ANKUB1: variants seen among roughly 807,000 people sequenced by gnomAD.
ANKUB1 encodes the protein protein ANKUB1.
In ANKUB1, 42 loss-of-function variants were observed where a neutral mutation model predicts 49.3. That is an observed-to-expected ratio of 0.85 (90% CI 0.67 to 1.10). The LOEUF (loss-of-function observed/expected upper bound fraction) is 1.10. Ranked by LOEUF, ANKUB1 falls within the 50% of genes least tolerant of loss-of-function variation. The pLI, the probability that ANKUB1 is intolerant of heterozygous loss-of-function variation, is 0.00. For synonymous variants in ANKUB1, 222 were observed against 231.0 expected, an observed-to-expected ratio of 0.96 and a Z score of 0.35; for missense variants, 613 against 642.0, an observed-to-expected ratio of 0.95 and a Z score of 0.49.
intron 3 of ANKUB1, among the ~76,000 whole-genome samples, chr3:149,776,793 T>C (rs1402312374): frequency 7.5e-6 from 1 of 134,084 alleles, no homozygotes; most frequent in Non-Finnish European, 1.6e-5. Context: ...AAACCCTGTC[T>C]CTATAAAAAA....
At chr3:149,768,878 T>C (rs1352171179) in intron 4 of ANKUB1, among the ~76,000 whole-genome samples, 1 of 152,158 alleles carries the variant, frequency 6.6e-6, no homozygotes, top group Non-Finnish European at 1.5e-5. Context: ...AGTTTCCTCA[T>C]GTGTAAAATA....
At chr3:149,780,023 C>A in intron 3 of ANKUB1, 1 of 556,618 alleles carries the variant, frequency 1.8e-6, no homozygotes, top group Non-Finnish European at 3.2e-6. Flanking sequence ...CTTGTAAGGC[C>A]AGGAGAGGGA....
intron 3 of ANKUB1, chr3:149,779,487 T>A (rs1238733227): frequency 6.6e-6 from 1 of 152,172 alleles, no homozygotes; most frequent in Non-Finnish European, 1.5e-5. Flanking sequence ...CAAGGTATAG[T>A]ATTTAGAGAG....
At chr3:149,774,285 C>CATTT (rs1717494688) in intron 3 of ANKUB1, among the ~76,000 whole-genome samples, 1 of 152,066 alleles carries the variant, frequency 6.6e-6, no homozygotes, top group Non-Finnish European at 1.5e-5. Context: ...TTTTGTCATT[C>CATTT]ATTCATTCAT....
intron 2 of ANKUB1, among the ~76,000 whole-genome samples, chr3:149,788,176 G>A (rs1401428744): frequency 6.6e-6 from 1 of 152,164 alleles, no homozygotes; most frequent in African/African-American, 2.4e-5. Flanking sequence ...ACATGACTTG[G>A]AAATCAGCCT....
intron 3 of ANKUB1, chr3:149,778,638 TC>T (rs1485505542): frequency 1.3e-5 from 2 of 152,166 alleles, no homozygotes; most frequent in Non-Finnish European, 2.9e-5. Flanking sequence ...GGGTTCAGCC[TC>T]CAGCAAGCGT....
chr3:149,790,707 T>G, intron 2 of ANKUB1, 74 bp downstream of exon 2: 1 of 1,392,596 alleles, frequency 7.2e-7, no homozygotes, highest in Non-Finnish European at 9.6e-7. Context: ...ATGGAATTAC[T>G]TTGGTTGACT....
intron 2 of ANKUB1, among the ~76,000 whole-genome samples, chr3:149,782,733 C>T (rs1039197847): frequency 6.6e-6 from 1 of 151,764 alleles, no homozygotes; most frequent in Non-Finnish European, 1.5e-5. Flanking sequence ...AGAGACAGGG[C>T]CTAGCTATGT....
intron 5 of ANKUB1, 27 bp downstream of exon 5, chr3:149,767,129 GT>G: frequency 6.8e-7 from 1 of 1,475,328 alleles, no homozygotes; most frequent in Non-Finnish European, 9.0e-7. Flanking sequence ...AAGCTTTGCT[GT>G]TTGTATGTTT....
At chr3:149,782,174 TAAC>T (rs535461588) in intron 2 of ANKUB1, among the ~76,000 whole-genome samples, 3 of 152,056 alleles carry the variant, frequency 2.0e-5, no homozygotes, top group South Asian at 2.1e-4. Flanking sequence ...TAAATGCAAA[TAAC>T]AAATTAAATG....
chr3:149,790,985 T>G, intron 1 of ANKUB1, 61 bp from the exon 2 acceptor site: 1 of 1,471,840 alleles, frequency 6.8e-7, no homozygotes, highest in Admixed American at 2.3e-5. Flanking sequence ...ACCAGAAATG[T>G]ACTCTCTTTC....
At chr3:149,777,773 G>C (rs1229782669) in intron 3 of ANKUB1, among the ~76,000 whole-genome samples, 1 of 152,172 alleles carries the variant, frequency 6.6e-6, no homozygotes, top group Non-Finnish European at 1.5e-5. Context: ...CATGCCTTCA[G>C]CCTGCATTGA....
At chr3:149,766,817 A>AAGCAGCAGCAGCAGC (rs11268295) in intron 5 of ANKUB1, 17,921 of 900,538 alleles carry the variant, frequency 0.02, 1,259 homozygotes, top group Non-Finnish European at 0.018. Context: ...GAAAAAAGAA[A>AAGCAGCAGCAGCAGC]AGCAGCAGCA....
At chr3:149,788,919 G>A (rs1718233115) in intron 2 of ANKUB1, among the ~76,000 whole-genome samples, 1 of 151,712 alleles carries the variant, frequency 6.6e-6, no homozygotes, top group Admixed American at 6.6e-5. Context: ...GGGATTACAG[G>A]TGTGCCCACC....
intron 3 of ANKUB1, among the ~76,000 whole-genome samples, chr3:149,773,325 C>G (rs934544113): frequency 5.3e-5 from 8 of 152,150 alleles, no homozygotes; most frequent in Non-Finnish European, 8.8e-5. Flanking sequence ...CTTGGACTTG[C>G]TATTCTTTGT....
In ANKUB1 at chr3:149,767,845, C is replaced by G. The variant is rs1455253949; in HGVS notation, c.817G>C (p.Ala273Pro). ...SVLCLECKNA[A>P]GQTPLTIVFK... is the part of the protein sequence containing the mutation. Reference sequence around the variant, plus strand: ...ACAATGGTCAGGGGAGTTTGTCCTGCTGCATTTTTGCATTCCAGGCACAGC... The same window carrying G: ...ACAATGGTCAGGGGAGTTTGTCCTGGTGCATTTTTGCATTCCAGGCACAGC... Residue 273 changes from alanine to proline, a missense_variant, in exon 5 of 6, where the codon GCA (alanine) becomes CCA (proline). Transcript: ENST00000446160. 4 of 1,551,712 alleles carry G rather than the reference C, an allele frequency of 2.6e-6. No homozygotes were observed. The Admixed American group carries it at 7.8e-5, about 30-fold the overall frequency.
intron 2 of ANKUB1, among the ~76,000 whole-genome samples, chr3:149,780,930 G>T (rs116213295): frequency 0.025 from 3,796 of 151,078 alleles, 63 homozygotes; most frequent in Non-Finnish European, 0.035. Context: ...GCTTTTCATT[G>T]TCCGTATGGT....
At chr3:149,762,795 T>C (rs1212774621) in intron 5 of ANKUB1, among the ~76,000 whole-genome samples, 1 of 152,248 alleles carries the variant, frequency 6.6e-6, no homozygotes. Context: ...AAGATGCTTC[T>C]TAGTGTAGAT....
At chr3:149,762,208 C>A (rs1272668143) in intron 5 of ANKUB1, among the ~76,000 whole-genome samples, 3 of 152,128 alleles carry the variant, frequency 2.0e-5, no homozygotes, top group Non-Finnish European at 4.4e-5. Context: ...TCTTTCTACA[C>A]CCTCATCCTA....
Sources: gnomAD v4.1 joint callset for allele counts (sites outside exome capture counted in the v4.1 genomes callset) on GRCh38, gnomAD v4.1.1 for gene constraint, MANE v1.5 for transcripts, NCBI Gene and HGNC (gene_info 2026-07-23, HGNC 2026-07-21) for gene names.